Variants in SYNE1 observed in about 807,000 individuals in gnomAD.
SYNE1 encodes the protein spectrin repeat containing nuclear envelope protein 1, also known as nesprin-1.
SYNE1 carries 616 observed loss-of-function variants against 1,111.0 expected under a neutral mutation model. The observed-to-expected ratio is 0.55, with a 90% CI of 0.52 to 0.59. The LOEUF (loss-of-function observed/expected upper bound fraction) is 0.59. Among genes scored for constraint, SYNE1 ranks in the 20% least tolerant of loss-of-function variants. The pLI is 0.00. For missense variants in SYNE1, 10,006 were observed against 10,417.0 expected, an observed-to-expected ratio of 0.96 and a Z score of 1.72; for synonymous variants, 3,855 against 3,825.8, an observed-to-expected ratio of 1.01 and a Z score of -0.28.
intron 127 of SYNE1, among the ~76,000 whole-genome samples, chr6:152,201,264 C>A (rs776873134): frequency 2.0e-5 from 3 of 151,896 alleles, no homozygotes; most frequent in Non-Finnish European, 2.9e-5. Context: ...AGGGAGTGAT[C>A]TGTATTAGCT....
At chr6:152,416,052 A>G (rs2098149166) in intron 41 of SYNE1, among the ~76,000 whole-genome samples, 1 of 152,212 alleles carries the variant, frequency 6.6e-6, no homozygotes, top group Non-Finnish European at 1.5e-5. Context: ...AGGTTAATCC[A>G]TGTGTTGCAA....
intron 39 of SYNE1, among the ~76,000 whole-genome samples, chr6:152,420,903 T>G (rs932268963): frequency 6.6e-6 from 1 of 152,246 alleles, no homozygotes. Flanking sequence ...TACTTGATTT[T>G]TCCAGAAATT....
At chr6:152,594,747 G>A (rs922632526) in intron 3 of SYNE1, among the ~76,000 whole-genome samples, 2 of 152,146 alleles carry the variant, frequency 1.3e-5, no homozygotes, top group African/African-American at 4.8e-5. Context: ...TTTCTACTGA[G>A]TCAGTCTCCA....
rs555315771 is a variant in SYNE1 at position 152,391,646 on chromosome 6, G to A, written c.7713-78C>T. ...GAGTGCAGGGGAGTGACAAATGATT[G>A]TTGATATTGGAGCAGTAACCAGACA... On this transcript the variant is annotated intron_variant, in intron 51 of 145. Transcript: ENST00000367255. 7 of 1,467,972 alleles carry A rather than the reference G, an allele frequency of 4.8e-6. No individual in the cohort carries two copies. The South Asian group carries it at 9.4e-5, about 20-fold the overall frequency. 90.9% of individuals were successfully genotyped at this position (1,467,972 alleles called of 1,614,324 possible).
chr6:152,237,784 C>T (rs2084560664), intron 108 of SYNE1, among the ~76,000 whole-genome samples: 1 of 152,058 alleles, frequency 6.6e-6, no homozygotes, highest in African/African-American at 2.4e-5. Context: ...TACCACATCA[C>T]TTATTCCTAA....
At chr6:152,161,507 TC>T (rs1345878596) in intron 131 of SYNE1, among the ~76,000 whole-genome samples, 1 of 152,042 alleles carries the variant, frequency 6.6e-6, no homozygotes. Flanking sequence ...AAAAATGGCA[TC>T]CTATCATTTT....
At chr6:152,192,699 T>C (rs1478702573) in intron 127 of SYNE1, among the ~76,000 whole-genome samples, 1 of 151,916 alleles carries the variant, frequency 6.6e-6, no homozygotes, top group Non-Finnish European at 1.5e-5. Context: ...TTCTCAAACA[T>C]ATAAATATAT....
chr6:152,490,351 G>A (rs1392645072), intron 11 of SYNE1, among the ~76,000 whole-genome samples: 1 of 152,112 alleles, frequency 6.6e-6, no homozygotes, highest in Non-Finnish European at 1.5e-5. Context: ...TCAGGCCTCT[G>A]AGCCCAAGTC....
At chr6:152,358,251 T>G (rs1391750458) in intron 66 of SYNE1, 122 bp downstream of exon 66, 21 of 1,298,576 alleles carry the variant, frequency 1.6e-5, no homozygotes, top group Non-Finnish European at 1.4e-5. Context: ...TTATGGGGAT[T>G]GCACTTAATG....
Position 152,331,057 on chromosome 6 carries a change from T to G in SYNE1, c.13628A>C (p.Tyr4543Ser), listed in dbSNP as rs138770612. 6.2e-7 allele frequency: 1 copy of G among 1,614,168 alleles called. No homozygotes were observed. ...ACTGCACTTTTGTAAAACACTGTCA[T>G]AGACACTCTGCAATTCCTGAAGCTT... ...LGKLQELQSV[Y>S]DSVLQKCSHR... The change falls in exon 78 of 146, where the codon TAT (tyrosine) becomes TCT (serine). Residue 4543 changes from tyrosine to serine, a missense_variant. Physicochemically the swap from Tyr to Ser is moderately radical, Grantham distance 144. Transcript: ENST00000367255.
intron 118 of SYNE1, 65 bp from the exon 119 acceptor site, chr6:152,221,111 T>C (rs2080079085): frequency 6.6e-7 from 1 of 1,505,176 alleles, no homozygotes; most frequent in Non-Finnish European, 9.2e-7. Flanking sequence ...ATATGTGCTA[T>C]TTTATTTTTC....
chr6:152,358,381 C>G lies in SYNE1; in HGVS notation c.10600G>C (p.Asp3534His). The change falls in exon 66 of 146, where the codon GAT becomes CAT. Residue 3534 changes from aspartate to histidine, a missense_variant. This residue lies in a region of SYNE1 where 4,955 missense variants were observed against 5,017.2 expected (regional missense o/e 0.99). Transcript: ENST00000367255. ...DAHTHETTLR[D>H]LQELQVHCAE... The stretch of plus-strand genomic sequence containing the variant: ...GATAAAGGAGGCCTTACCTGAAGAT[C>G]ACGCAATGTTGTCTCATGAGTGTGG... The G allele has an allele frequency of 6.2e-7, 1 of 1,614,142 alleles. No individual in the cohort carries two copies. The highest frequency in any genetic ancestry group is 8.5e-7 in the Non-Finnish European group (1 of 1,180,020).
chr6:152,577,190 T>C (rs969524463), intron 3 of SYNE1, among the ~76,000 whole-genome samples: 2 of 152,202 alleles, frequency 1.3e-5, no homozygotes, highest in African/African-American at 4.8e-5. Flanking sequence ...GTATAATTAA[T>C]GCAGGGCTTT....
chr6:152,230,389 A>T (rs1416058729), intron 115 of SYNE1, among the ~76,000 whole-genome samples, 158 bp downstream of exon 115: 1 of 152,248 alleles, frequency 6.6e-6, no homozygotes, highest in African/African-American at 2.4e-5. Context: ...ATTTTAAAAA[A>T]AACCCTATAA....
At chr6:152,326,749 G>A (rs2096076104) in intron 78 of SYNE1, 116 bp from the exon 79 acceptor site, 7 of 942,880 alleles carry the variant, frequency 7.4e-6, no homozygotes, top group Non-Finnish European at 1.1e-5. Flanking sequence ...ATGTGTGTAA[G>A]TGCATTGATA....
intron 3 of SYNE1, among the ~76,000 whole-genome samples, chr6:152,589,782 A>G (rs867335699): frequency 6.6e-6 from 1 of 152,134 alleles, no homozygotes; most frequent in African/African-American, 2.4e-5. Context: ...AAATGAAACT[A>G]CTACTTTAGC....
At chr6:152,363,749 C>A in intron 63 of SYNE1, 1 of 455,116 alleles carries the variant, frequency 2.2e-6, no homozygotes, top group Non-Finnish European at 4.4e-6. Flanking sequence ...AGTTTGAGGG[C>A]AATATAGGCA....
chr6:152,563,154 T>C (rs2099400457), intron 3 of SYNE1, among the ~76,000 whole-genome samples: 1 of 152,222 alleles, frequency 6.6e-6, no homozygotes, highest in South Asian at 2.1e-4. Context: ...CGGAGTCTTG[T>C]AGATTGTTTT....
intron 145 of SYNE1, among the ~76,000 whole-genome samples, chr6:152,124,679 CCT>C (rs2052707018): frequency 8.1e-6 from 1 of 123,144 alleles, no homozygotes; most frequent in Admixed American, 9.1e-5. Context: ...ATGAGTTATT[CCT>C]AATAAGCTGA....
Sources: allele counts gnomAD v4.1 joint callset (sites outside exome capture counted in the v4.1 genomes callset), GRCh38; gene constraint gnomAD v4.1.1; regional missense constraint gnomAD v4.1.1; transcripts MANE v1.5; gene names NCBI Gene and HGNC (gene_info 2026-07-23, HGNC 2026-07-21).